GPHN: variants seen among roughly 807,000 people sequenced by gnomAD.
GPHN encodes gephyrin.
GPHN carries 17 observed loss-of-function variants against 95.5 expected under a neutral mutation model. That is an observed-to-expected ratio of 0.18 (90% CI 0.12 to 0.27). The LOEUF (loss-of-function observed/expected upper bound fraction) is 0.27, where lower values mean the gene tolerates loss of function less well. GPHN is among the 10% of genes least tolerant of loss of function. GPHN has a pLI of 1.00. For synonymous variants in GPHN, 320 were observed against 322.5 expected, an observed-to-expected ratio of 0.99 and a Z score of 0.08; for missense variants, 660 against 978.1, an observed-to-expected ratio of 0.67 and a Z score of 4.34.
At chr14:66,976,446 A>G (rs2070224541) in intron 9 of GPHN, among the ~76,000 whole-genome samples, 1 of 152,198 alleles carries the variant, frequency 6.6e-6, no homozygotes, top group Non-Finnish European at 1.5e-5. Context: ...AGATATTGGC[A>G]TGATTTAGAG....
the GPHN span, among the ~76,000 whole-genome samples, chr14:67,664,210 C>T: frequency 6.6e-6 from 1 of 152,094 alleles, no homozygotes; most frequent in Non-Finnish European, 1.5e-5. Context: ...ACATTCACAC[C>T]GTTGTGGAGC....
In GPHN at chr14:66,838,093, A is replaced by G. The variant is rs115791403; in HGVS notation, c.294+13527A>G. Among the ~76,000 whole-genome samples the G allele has an allele frequency of 7.1e-3, 1,075 of 152,266 alleles. 5 individuals are homozygous for G. The highest frequency in any genetic ancestry group is 0.025 in the African/African-American group (1,027 of 41,562). On this transcript the variant is annotated intron_variant, in intron 4 of 22. Coordinates refer to ENST00000478722, the MANE Select transcript of GPHN (RefSeq NM_020806.5). ...TAAAAATAACATAGTGGTTAAGAGC[A>G]CAGACTATTTGGGTTTGAATCTTAG...
At chr14:66,773,065 A>G (rs1284756864) in intron 2 of GPHN, among the ~76,000 whole-genome samples, 3 of 152,100 alleles carry the variant, frequency 2.0e-5, no homozygotes, top group African/African-American at 4.8e-5. Context: ...TCAGTAGCCT[A>G]GGTTTTCTGG....
the GPHN span, among the ~76,000 whole-genome samples, chr14:67,306,567 C>T: frequency 6.6e-6 from 1 of 151,590 alleles, no homozygotes; most frequent in South Asian, 2.1e-4. Context: ...CAGAGTTTCA[C>T]CATGTTGGCC....
intron 6 of GPHN, among the ~76,000 whole-genome samples, chr14:66,920,073 A>G (rs1394220984): frequency 6.6e-6 from 1 of 152,088 alleles, no homozygotes; most frequent in African/African-American, 2.4e-5. Context: ...CTCAAAACAA[A>G]CAAACAAAAA....
intron 2 of GPHN, among the ~76,000 whole-genome samples, chr14:66,761,580 G>T (rs2058756206): frequency 6.6e-6 from 1 of 151,800 alleles, no homozygotes; most frequent in Non-Finnish European, 1.5e-5. Context: ...AGTTGTGGAT[G>T]TTGGGGATGA....
chr14:67,510,007 C>T, the GPHN span, among the ~76,000 whole-genome samples: 1 of 134,156 alleles, frequency 7.5e-6, no homozygotes, highest in Non-Finnish European at 1.7e-5. Context: ...GAGAACCCGT[C>T]TCTAAAAAAA....
the GPHN span, among the ~76,000 whole-genome samples, chr14:67,321,638 G>C: frequency 6.6e-6 from 1 of 152,022 alleles, no homozygotes; most frequent in Non-Finnish European, 1.5e-5. Context: ...TAGCCTGAAG[G>C]TAATTTTATT....
intron 1 of GPHN, chr14:66,509,253 C>G (rs2057933514): frequency 6.5e-6 from 1 of 152,706 alleles, no homozygotes; most frequent in South Asian, 2.1e-4. Context: ...AAAAGGCCCT[C>G]TGTCTGCCTC....
At chr14:67,133,686 CA>C (rs1307510489) in intron 17 of GPHN, among the ~76,000 whole-genome samples, 2 of 152,164 alleles carry the variant, frequency 1.3e-5, no homozygotes, top group African/African-American at 4.8e-5. Context: ...ATTCTTTCTT[CA>C]CAGAAACTGA....
At chr14:66,590,718 C>T (rs182435435) in intron 1 of GPHN, among the ~76,000 whole-genome samples, 1 of 152,072 alleles carries the variant, frequency 6.6e-6, no homozygotes, top group Non-Finnish European at 1.5e-5. Flanking sequence ...CAAATTCTAC[C>T]AGAAGTACAA....
At chr14:66,646,764 G>A (rs2064770345) in intron 1 of GPHN, among the ~76,000 whole-genome samples, 1 of 152,074 alleles carries the variant, frequency 6.6e-6, no homozygotes, top group Non-Finnish European at 1.5e-5. Context: ...AATGGGTATA[G>A]AGTTTCAGTT....
chr14:66,632,327 A>T (rs1159981465), intron 1 of GPHN, among the ~76,000 whole-genome samples: 1 of 152,060 alleles, frequency 6.6e-6, no homozygotes, highest in Non-Finnish European at 1.5e-5. Context: ...TGCATTTTCC[A>T]TCAAATTTTG....
At chr14:66,963,075 G>T (rs572966619) in intron 8 of GPHN, among the ~76,000 whole-genome samples, 6 of 151,836 alleles carry the variant, frequency 4.0e-5, no homozygotes. Context: ...ATCGTCTTTT[G>T]TTCTTTCACA....
At chr14:67,470,546 G>A in the GPHN span, 1 of 152,602 alleles carries the variant, frequency 6.6e-6, no homozygotes, top group Non-Finnish European at 1.5e-5. Context: ...ATCCCAGGGT[G>A]ATGCCTACAC....
At chr14:67,069,500 T>C (rs1264706781) in intron 11 of GPHN, among the ~76,000 whole-genome samples, 1 of 152,200 alleles carries the variant, frequency 6.6e-6, no homozygotes, top group Non-Finnish European at 1.5e-5. Flanking sequence ...TGTGCCGTGG[T>C]CAGTATTCTA....
intron 8 of GPHN, among the ~76,000 whole-genome samples, chr14:66,954,405 G>A (rs2068340973): frequency 6.6e-6 from 1 of 151,948 alleles, no homozygotes; most frequent in East Asian, 1.9e-4. Flanking sequence ...AAATGGACTT[G>A]TTTTCTTAAT....
chr14:67,572,007 C>T, the GPHN span: 1 of 1,480,224 alleles, frequency 6.8e-7, no homozygotes. Context: ...AGCTCGTGAC[C>T]CCCCAGCAGC....
chr14:67,316,236 A>AAC, the GPHN span, among the ~76,000 whole-genome samples: 1 of 152,188 alleles, frequency 6.6e-6, no homozygotes, highest in Admixed American at 6.5e-5. Context: ...GGAACCTTGA[A>AAC]AGCCTCCTAT....
Sources: gnomAD v4.1 joint callset for allele counts (sites outside exome capture counted in the v4.1 genomes callset) on GRCh38, gnomAD v4.1.1 for gene constraint, MANE v1.5 for transcripts, NCBI Gene and HGNC (gene_info 2026-07-23, HGNC 2026-07-21) for gene names.